The following TCF4 variants were observed in gnomAD, a reference collection of about 807,000 sequenced individuals.
TCF4 encodes transcription factor 4.
In TCF4, 3 loss-of-function variants were observed where a neutral mutation model predicts 82.1. The ratio of observed to expected loss-of-function variants is 0.04; its 90% confidence interval spans 0.02 to 0.09. The LOEUF (loss-of-function observed/expected upper bound fraction) is 0.09, where lower values mean the gene tolerates loss of function less well. TCF4 is among the 10% of genes least tolerant of loss of function. The probability of loss-of-function intolerance (pLI) is 1.00; values close to 1 mark genes in which losing one functional copy is unlikely to be tolerated. For missense variants in TCF4, 518 were observed against 852.7 expected (o/e 0.61, Z 4.89); for synonymous variants, 276 against 309.6 (o/e 0.89, Z 1.14).
intron 3 of TCF4, among the ~76,000 whole-genome samples, chr18:55,543,809 T>C (rs1269793655): frequency 1.3e-5 from 2 of 152,196 alleles, no homozygotes; most frequent in Non-Finnish European, 2.9e-5. Context: ...CAAGCATGCA[T>C]GAGCCAATAA....
At chr18:55,334,531 G>A (rs1254291870) in intron 8 of TCF4, among the ~76,000 whole-genome samples, 1 of 151,920 alleles carries the variant, frequency 6.6e-6, no homozygotes, top group Non-Finnish European at 1.5e-5. Context: ...CAAAAAAAAA[G>A]AAAACAGCAT....
chr18:55,411,892 C>T (rs1440184091), intron 5 of TCF4, among the ~76,000 whole-genome samples: 1 of 152,114 alleles, frequency 6.6e-6, no homozygotes, highest in Non-Finnish European at 1.5e-5. Flanking sequence ...ACGCATGTGC[C>T]ACCACATCCG....
upstream of TCF4, chr18:55,588,619 C>T: frequency 6.8e-7 from 1 of 1,472,428 alleles, no homozygotes. Context: ...CTCACTCACA[C>T]ATCCACACAC....
intron 9 of TCF4, among the ~76,000 whole-genome samples, chr18:55,276,884 C>T (rs1388587939): frequency 6.6e-6 from 1 of 152,028 alleles, no homozygotes; most frequent in South Asian, 2.1e-4. Context: ...TTCTTAAATC[C>T]GGAAGTTAGA....
chr18:55,407,899 G>A (rs1453417444), intron 5 of TCF4, among the ~76,000 whole-genome samples: 1 of 151,982 alleles, frequency 6.6e-6, no homozygotes, highest in Non-Finnish European at 1.5e-5. Context: ...ATTACATGAA[G>A]GGAAAAAAAT....
intron 3 of TCF4, among the ~76,000 whole-genome samples, chr18:55,542,908 T>C (rs2097176478): frequency 6.6e-6 from 1 of 152,080 alleles, no homozygotes; most frequent in Non-Finnish European, 1.5e-5. Flanking sequence ...TTAGAATCAG[T>C]TGGGAACACC....
chr18:55,259,839 G>A, intron 13 of TCF4, 110 bp downstream of exon 13: 1 of 923,516 alleles, frequency 1.1e-6, no homozygotes, highest in Non-Finnish European at 1.8e-6. Context: ...GAATGTTAAA[G>A]CTTTGGGATT....
intron 6 of TCF4, among the ~76,000 whole-genome samples, chr18:55,360,649 C>A (rs376885942): frequency 6.6e-6 from 1 of 151,632 alleles, no homozygotes; most frequent in East Asian, 1.9e-4. Flanking sequence ...ACAGGTCAGA[C>A]AGTGTTCCAG....
At chr18:55,405,297 C>T (rs2094030988) in intron 5 of TCF4, among the ~76,000 whole-genome samples, 1 of 152,130 alleles carries the variant, frequency 6.6e-6, no homozygotes, top group Non-Finnish European at 1.5e-5. Context: ...ACATCACTTA[C>T]TTTGATGTAA....
At chr18:55,455,615 C>T (rs1367029361) in intron 5 of TCF4, among the ~76,000 whole-genome samples, 1 of 151,558 alleles carries the variant, frequency 6.6e-6, no homozygotes, top group East Asian at 1.9e-4. Flanking sequence ...TACCTAATTT[C>T]GCTGCATTTA....
chr18:55,429,491 G>A (rs778932736), intron 5 of TCF4, among the ~76,000 whole-genome samples: 6 of 152,146 alleles, frequency 3.9e-5, no homozygotes, highest in South Asian at 2.1e-4. Context: ...GGCCGAGCAC[G>A]ATGGCTCACG....
upstream of TCF4, chr18:55,588,550 T>C (rs1041375358): frequency 2.7e-5 from 42 of 1,530,076 alleles, no homozygotes; most frequent in Non-Finnish European, 3.7e-5. Context: ...CGGAGGCACT[T>C]TGAAATTTAT....
At chr18:55,588,862 T>G (rs2097676612), upstream of TCF4, among the ~76,000 whole-genome samples, 2 of 151,988 alleles carry the variant, frequency 1.3e-5, no homozygotes, top group Admixed American at 6.6e-5. Flanking sequence ...GGGCAATTTT[T>G]GGGGGTGGAT....
chr18:55,494,482 C>A (rs1247217315), intron 3 of TCF4, among the ~76,000 whole-genome samples: 1 of 151,968 alleles, frequency 6.6e-6, no homozygotes. Context: ...TTAAAACTAG[C>A]CCTGATGCAT....
intron 6 of TCF4, among the ~76,000 whole-genome samples, chr18:55,387,519 T>A (rs545077557): frequency 6.6e-6 from 1 of 152,364 alleles, no homozygotes; most frequent in East Asian, 1.9e-4. Flanking sequence ...GTGCTTTTTA[T>A]CCAAGTTCAC....
intron 3 of TCF4, among the ~76,000 whole-genome samples, chr18:55,556,826 A>T (rs999281097): frequency 6.6e-6 from 1 of 152,236 alleles, no homozygotes; most frequent in African/African-American, 2.4e-5. Flanking sequence ...AGCATTTAGC[A>T]TCTACAAATC....
At chr18:55,495,891 T>G (rs555422441) in intron 3 of TCF4, 1 of 152,218 alleles carries the variant, frequency 6.6e-6, no homozygotes, top group African/African-American at 2.4e-5. Context: ...ATTTGAATAA[T>G]TCACGACCTG....
At chr18:55,328,662 G>C (rs2076990178) in intron 8 of TCF4, among the ~76,000 whole-genome samples, 1 of 152,132 alleles carries the variant, frequency 6.6e-6, no homozygotes, top group South Asian at 2.1e-4. Flanking sequence ...CAAAAAGTTA[G>C]AGGGGAAATC....
intron 5 of TCF4, among the ~76,000 whole-genome samples, chr18:55,438,651 C>G (rs998932566): frequency 6.6e-6 from 1 of 152,148 alleles, no homozygotes; most frequent in Non-Finnish European, 1.5e-5. Context: ...AAAGGTAGCA[C>G]TGGAGATTAA....
Sources: gnomAD v4.1 joint callset for allele counts (sites outside exome capture counted in the v4.1 genomes callset) on GRCh38, gnomAD v4.1.1 for gene constraint, MANE v1.5 for transcripts, NCBI Gene and HGNC (gene_info 2026-07-23, HGNC 2026-07-21) for gene names.